CACNA1H: variants seen among roughly 807,000 people sequenced by gnomAD.
The protein encoded by CACNA1H is voltage-dependent T-type calcium channel subunit alpha-1H.
In CACNA1H, 149 loss-of-function variants were observed where a neutral mutation model predicts 192.5. The observed-to-expected ratio is 0.77, with a 90% CI of 0.68 to 0.89. CACNA1H has a LOEUF of 0.89. Among genes scored for constraint, CACNA1H ranks in the 40% least tolerant of loss-of-function variants. CACNA1H has a pLI of 0.00. For missense variants in CACNA1H, 4,257 were observed against 3,423.5 expected (o/e 1.24, Z -6.08); for synonymous variants, 2,202 against 1,475.2 (o/e 1.49, Z -11.29).
At chr16:1,174,675 C>T (rs1436388065) in intron 2 of CACNA1H, among the ~76,000 whole-genome samples, 17 of 152,106 alleles carry the variant, frequency 1.1e-4, no homozygotes, top group Admixed American at 8.5e-4. Flanking sequence ...AGAGGAGAGG[C>T]GCCCAATGTT....
chr16:1,215,564 C>A lies in CACNA1H; in HGVS notation c.5215C>A (p.Leu1739Met), dbSNP rs1969952117. 1 of 1,611,684 alleles carries A rather than the reference C, an allele frequency of 6.2e-7. No homozygotes were observed. Among genetic ancestry groups the A allele is most frequent in the Admixed American group, 1.7e-5 (1 of 59,908 alleles). Residue 1739 changes from leucine to methionine, a missense_variant, in exon 30 of 35, where the codon CTG becomes ATG. Coordinates refer to ENST00000348261, the MANE Select transcript of CACNA1H (RefSeq NM_021098.3). ...LKMATGMRAL[L>M]DTVVQALPQV... Reference sequence around the variant, plus strand: ...GATGGCTACGGGCATGCGCGCCCTGCTGGACACTGTGGTGCAAGCTCTCCC... The same window carrying A: ...GATGGCTACGGGCATGCGCGCCCTGATGGACACTGTGGTGCAAGCTCTCCC...
intron 2 of CACNA1H, among the ~76,000 whole-genome samples, chr16:1,171,019 C>G (rs1323931967): frequency 6.6e-6 from 1 of 152,042 alleles, no homozygotes; most frequent in Non-Finnish European, 1.5e-5. Flanking sequence ...TAGCTCTCCC[C>G]CCAACCACTG....
intron 2 of CACNA1H, among the ~76,000 whole-genome samples, chr16:1,172,634 T>C (rs1294348496): frequency 6.6e-6 from 1 of 152,150 alleles, no homozygotes; most frequent in Non-Finnish European, 1.5e-5. Context: ...AACGATTTAT[T>C]ATTAAAGCAG....
At chr16:1,183,567 C>T (rs867867278) in intron 2 of CACNA1H, among the ~76,000 whole-genome samples, 47 of 152,248 alleles carry the variant, frequency 3.1e-4, no homozygotes, top group Non-Finnish European at 2.8e-4. Flanking sequence ...AGTTCCCTCC[C>T]GCTAAGAGGC....
At chr16:1,169,263 G>A (rs1404202851) in intron 2 of CACNA1H, among the ~76,000 whole-genome samples, 1 of 152,164 alleles carries the variant, frequency 6.6e-6, no homozygotes, top group Non-Finnish European at 1.5e-5. Flanking sequence ...TTCACTGTGG[G>A]CGGCACCGTC....
chr16:1,192,900 A>G (rs1966741489), intron 2 of CACNA1H, among the ~76,000 whole-genome samples: 1 of 151,806 alleles, frequency 6.6e-6, no homozygotes, highest in South Asian at 2.1e-4. Flanking sequence ...GCCCAACTTG[A>G]AGGAGAGTGT....
chr16:1,169,351 G>T (rs1179120414), intron 2 of CACNA1H, among the ~76,000 whole-genome samples: 1 of 152,214 alleles, frequency 6.6e-6, no homozygotes, highest in Non-Finnish European at 1.5e-5. Flanking sequence ...CAGAACCCCC[G>T]ACCTGCCCTC....
intron 5 of CACNA1H, among the ~76,000 whole-genome samples, chr16:1,196,247 C>G (rs1461519824): frequency 1.3e-5 from 2 of 152,386 alleles, no homozygotes; most frequent in Non-Finnish European, 2.9e-5. Context: ...AGTCAGCATT[C>G]ACAGGGTACC....
Position 1,221,521 on chromosome 16 carries a change from C to T in CACNA1H, c.*527C>T, listed in dbSNP as rs1970478980. The T allele has an allele frequency of 2.2e-6, 1 of 446,854 alleles. No individual in the cohort carries two copies. Among genetic ancestry groups the T allele is most frequent in the Non-Finnish European group, 4.0e-6 (1 of 252,560 alleles). 27.7% of individuals were successfully genotyped at this position (446,854 alleles called of 1,614,324 possible). A position where few individuals can be genotyped will look rare whatever the true frequency, so the allele number is the denominator to read the frequency against. ...CGTTCCGCTCGGGCCTTCCCAGAAG[C>T]GTCCTGTGACTCTGGGAGAGGTGAC... On this transcript the variant is annotated 3_prime_UTR_variant, in exon 35 of 35. Transcript: ENST00000348261.
In CACNA1H at chr16:1,211,272, T is replaced by C; in HGVS notation, c.4328T>C (p.Ile1443Thr). 6.2e-7 allele frequency: 1 copy of C among 1,612,592 alleles called. No homozygotes were observed. Residue 1443 changes from isoleucine (I) to threonine (T), a missense_variant, in exon 22 of 35, where the codon ATT (isoleucine) becomes ACT (threonine). By Grantham distance (89) the Ile-to-Thr change is moderately conservative. Coordinates refer to ENST00000348261, the MANE Select transcript of CACNA1H (RefSeq NM_021098.3). Reference sequence around the variant, plus strand: ...CTCATCTGCTGCGCCTTCTTCATCATTTTTGGCATTTTGGGTGTGCAGGTG... The same window carrying C: ...CTCATCTGCTGCGCCTTCTTCATCACTTTTGGCATTTTGGGTGTGCAGGTG... ...IVLICCAFFI[I>T]FGILGVQLFK...
At chr16:1,208,246 T>C (rs774331122) in intron 16 of CACNA1H, 25 bp downstream of exon 16, 3 of 1,511,992 alleles carry the variant, frequency 2.0e-6, no homozygotes, top group Non-Finnish European at 2.7e-6. Flanking sequence ...CTGCCCCAGC[T>C]CTCAGGCCCC....
At chr16:1,174,808 C>A (rs1046876000) in intron 2 of CACNA1H, among the ~76,000 whole-genome samples, 4 of 152,244 alleles carry the variant, frequency 2.6e-5, no homozygotes, top group African/African-American at 9.6e-5. Context: ...GGACGAGAGC[C>A]AGGATGGCCG....
chr16:1,174,643 G>A (rs540451583), intron 2 of CACNA1H, among the ~76,000 whole-genome samples: 29 of 152,328 alleles, frequency 1.9e-4, no homozygotes, highest in African/African-American at 6.5e-4. Context: ...GCAGAACAGC[G>A]TGTGTCCAGC....
At chr16:1,208,436 C>T (rs1296125630) in intron 16 of CACNA1H, among the ~76,000 whole-genome samples, 1 of 152,204 alleles carries the variant, frequency 6.6e-6, no homozygotes, top group African/African-American at 2.4e-5. Context: ...CGCGGAAGCT[C>T]TGTGCGCCCA....
intron 2 of CACNA1H, among the ~76,000 whole-genome samples, chr16:1,181,169 C>T (rs989572484): frequency 6.6e-6 from 1 of 152,368 alleles, no homozygotes; most frequent in African/African-American, 2.4e-5. Flanking sequence ...CCCCTCCTGG[C>T]TGGGTTTCTG....
At chr16:1,198,525 G>A (rs1967271948) in intron 5 of CACNA1H, 90 bp from the exon 6 acceptor site, 1 of 1,442,858 alleles carries the variant, frequency 6.9e-7, no homozygotes, top group Non-Finnish European at 9.6e-7. Context: ...GTGAACAGTG[G>A]ACGGGGCTCG....
rs748809560 is a variant in CACNA1H, at chr16:1,220,635, A to T, written c.6703A>T (p.Thr2235Ser). Residue 2235 changes from threonine (T) to serine (S), a missense_variant, in exon 35 of 35, where the codon ACA becomes TCA. Thr to Ser is a moderately conservative substitution (Grantham distance 58). Coordinates refer to ENST00000348261, the MANE Select transcript of CACNA1H (RefSeq NM_021098.3). ...GCCTCACAGGGACTCCCTGGAGCCC[A>T]CAGAGGGCTCAGGCGCCGGGGGGGA... ...ATPHRDSLEPTEGSGAGGDPA... is the reference protein window; with the variant it reads ...ATPHRDSLEPSEGSGAGGDPA... The T allele has an allele frequency of 6.2e-7, 1 of 1,601,124 alleles. No individual in the cohort carries two copies. Among genetic ancestry groups the T allele is most frequent in the South Asian group, 1.1e-5 (1 of 90,238 alleles).
rs1190196888 is a variant in CACNA1H at position 1,153,824 on chromosome 16, C to T, written c.87C>T (p.Ser29=). ...PPGPAALVGA[S]PESPGAPGRE... ...GCCCTGCGGCGTTGGTGGGGGCGTC[C>T]CCGGAGAGCCCCGGGGCGCCGGGAC... The change falls in exon 2 of 35, where the codon TCC becomes TCT. Residue 29 remains serine, a synonymous_variant. Transcript: ENST00000348261. 2 of 1,285,144 alleles carry T rather than the reference C, an allele frequency of 1.6e-6. No individual in the cohort carries two copies. The highest frequency in any genetic ancestry group is 4.6e-5 in the South Asian group (2 of 43,500). 79.6% of individuals were successfully genotyped at this position (1,285,144 alleles called of 1,614,324 possible). A position where few individuals can be genotyped will look rare whatever the true frequency, so the allele number is the denominator to read the frequency against.
chr16:1,219,654 G>T (rs1306986993), intron 34 of CACNA1H, among the ~76,000 whole-genome samples: 1 of 152,230 alleles, frequency 6.6e-6, no homozygotes, highest in Non-Finnish European at 1.5e-5. Flanking sequence ...AGTTAGGAGA[G>T]CCCCATCCTG....
Sources: allele counts gnomAD v4.1 joint callset (sites outside exome capture counted in the v4.1 genomes callset), GRCh38; gene constraint gnomAD v4.1.1; transcripts MANE v1.5; gene names NCBI Gene and HGNC (gene_info 2026-07-23, HGNC 2026-07-21).